Variants in ARHGAP32 observed in about 807,000 individuals in gnomAD.
The protein encoded by ARHGAP32 is rho GTPase-activating protein 32.
In ARHGAP32, 51 loss-of-function variants were observed where a neutral mutation model predicts 186.5. The ratio of observed to expected loss-of-function variants is 0.27; its 90% CI spans 0.22 to 0.35. The LOEUF is 0.35. Ranked by LOEUF, ARHGAP32 falls within the 10% of genes least tolerant of loss-of-function variation. The pLI is 1.00. For missense variants in ARHGAP32, 2,186 were observed against 2,623.5 expected (o/e 0.83, Z 3.64); for synonymous variants, 950 against 964.3 (o/e 0.99, Z 0.27).
At chr11:129,259,476 A>C (rs549956782) in intron 1 of ARHGAP32, among the ~76,000 whole-genome samples, 127 of 152,254 alleles carry the variant, frequency 8.3e-4, no homozygotes, top group African/African-American at 2.9e-3. Context: ...CACACACACA[A>C]AAAAATACTT....
chr11:129,266,399 T>C (rs1945400745), intron 1 of ARHGAP32, among the ~76,000 whole-genome samples: 1 of 152,140 alleles, frequency 6.6e-6, no homozygotes, highest in South Asian at 2.1e-4. Flanking sequence ...ACTGGTAGCA[T>C]AGTAGCACTG....
intron 1 of ARHGAP32, among the ~76,000 whole-genome samples, chr11:129,253,816 G>A (rs1320093507): frequency 6.6e-6 from 1 of 151,976 alleles, no homozygotes; most frequent in Admixed American, 6.6e-5. Context: ...ACTCCATAAA[G>A]GTCTGTTCAA....
At chr11:129,039,875 G>C (rs898704348) in intron 11 of ARHGAP32, among the ~76,000 whole-genome samples, 1 of 152,186 alleles carries the variant, frequency 6.6e-6, no homozygotes, top group East Asian at 1.9e-4. Context: ...AAAAAGAACT[G>C]AGAATCCTGA....
intron 11 of ARHGAP32, among the ~76,000 whole-genome samples, chr11:129,017,536 T>TAA (rs1234346126): frequency 6.6e-6 from 1 of 151,984 alleles, no homozygotes; most frequent in Non-Finnish European, 1.5e-5. Flanking sequence ...GTTAAAATTA[T>TAA]AAAGCACTTA....
Position 129,263,164 on chromosome 11 carries a change from A to G in ARHGAP32, c.-5+15982T>C, listed in dbSNP as rs143982653. 9.2e-5 allele frequency among the ~76,000 whole-genome samples: 14 copies of G among 152,314 alleles called. No individual in the cohort carries two copies. The East Asian group carries it at 2.3e-3, about 25-fold the overall frequency. On this transcript the variant is annotated intron_variant, in intron 1 of 6. Transcript: ENST00000525234. ...GAAGAAAACATAGGAGGGAAATGTC[A>G]TAACACTGGATTTGGCAATAATTTT...
intron 12 of ARHGAP32, among the ~76,000 whole-genome samples, chr11:128,997,871 G>A (rs1029226296): frequency 6.6e-6 from 1 of 152,118 alleles, no homozygotes; most frequent in Non-Finnish European, 1.5e-5. Context: ...TCCAGCGTGG[G>A]CAACAAATCA....
intron 6 of ARHGAP32, among the ~76,000 whole-genome samples, chr11:129,068,964 A>G (rs759386651): frequency 3.9e-5 from 6 of 152,124 alleles, no homozygotes; most frequent in Non-Finnish European, 7.4e-5. Flanking sequence ...TATGTGAAAG[A>G]ACAAGTATGA....
In ARHGAP32 at chr11:129,073,630, G is replaced by A. The variant is rs563543715; in HGVS notation, c.532-6762C>T. On this transcript the variant is annotated intron_variant, in intron 6 of 22. Coordinates refer to ENST00000682385, the MANE Select transcript of ARHGAP32 (RefSeq NM_001378024.1). ...TGATACATACATACTGAAAATACCA[G>A]AAGGAGAAGAAATGGAGAAAGGAGC... Among the ~76,000 whole-genome samples the A allele has an allele frequency of 1.3e-3, 192 of 151,980 alleles. 3 individuals are homozygous for A. The highest frequency in any genetic ancestry group is 4.4e-3 in the African/African-American group (181 of 41,462).
At chr11:129,270,695 G>A (rs895108741) in intron 1 of ARHGAP32, among the ~76,000 whole-genome samples, 3 of 151,620 alleles carry the variant, frequency 2.0e-5, no homozygotes, top group African/African-American at 7.3e-5. Context: ...TGCACCTTTA[G>A]CTCGGTTTTG....
intron 5 of ARHGAP32, among the ~76,000 whole-genome samples, chr11:129,114,361 C>CT (rs1332665577): frequency 1.3e-5 from 2 of 152,152 alleles, no homozygotes; most frequent in African/African-American, 4.8e-5. Context: ...CATAATCTCT[C>CT]TCACCACTGA....
intron 1 of ARHGAP32, among the ~76,000 whole-genome samples, chr11:129,242,060 G>T (rs1462969882): frequency 1.3e-5 from 2 of 152,228 alleles, no homozygotes; most frequent in East Asian, 3.9e-4. Flanking sequence ...TGGGAGTATT[G>T]CTTTTTAAAA....
rs1396050746 is a variant in ARHGAP32, at chr11:128,973,233, C to T, written c.3273G>A (p.Val1091=). ...TGGACAGATTATCTTCAGTTGTAGC[C>T]ACCGCTATGTCTCCATAATTTGTAT... ...AGYTNYGDIA[V]ATTEDNLSSS... is the part of the protein sequence containing the mutation. Residue 1091 remains valine, a synonymous_variant, in exon 22 of 23, where the codon GTG becomes GTA. Transcript: ENST00000682385. 4 of 1,614,036 alleles carry T rather than the reference C, an allele frequency of 2.5e-6. No individual in the cohort carries two copies. Among genetic ancestry groups the T allele is most frequent in the Non-Finnish European group, 3.4e-6 (4 of 1,180,038 alleles).
chr11:129,133,007 G>C (rs564475553), intron 2 of ARHGAP32, among the ~76,000 whole-genome samples: 1 of 152,270 alleles, frequency 6.6e-6, no homozygotes, highest in South Asian at 2.1e-4. Context: ...GGGTTTAGTT[G>C]GTTCACGATT....
In ARHGAP32 at chr11:129,126,096, T is replaced by C. The variant is rs1199107926; in HGVS notation, c.226-1202A>G. The C allele has an allele frequency of 7.6e-6, 2 of 263,232 alleles. 1 individual carries two copies. The highest frequency in any genetic ancestry group is 7.4e-5 in the South Asian group (2 of 26,900). The allele number at this position is 263,232 out of a possible 1,614,324, so 16.3% of individuals were successfully genotyped here. A position where few individuals can be genotyped will look rare whatever the true frequency, so the allele number is the denominator to read the frequency against. On this transcript the variant is annotated intron_variant, in intron 2 of 22. Transcript: ENST00000682385. ...ATCATCATTCAATTATACCCTATCA[T>C]ACTAGAAAAAAATTTTAAGACTAAA...
intron 11 of ARHGAP32, among the ~76,000 whole-genome samples, chr11:129,014,052 G>A (rs1380481522): frequency 1.3e-5 from 2 of 152,086 alleles, no homozygotes; most frequent in Admixed American, 1.3e-4. Flanking sequence ...AAAATAAAAT[G>A]CAAACAATAC....
intron 1 of ARHGAP32, among the ~76,000 whole-genome samples, chr11:129,278,221 T>C (rs1945557616): frequency 6.6e-6 from 1 of 152,246 alleles, no homozygotes; most frequent in Non-Finnish European, 1.5e-5. Context: ...ACAACAATGC[T>C]ATGGCCCAGC....
intron 1 of ARHGAP32, among the ~76,000 whole-genome samples, chr11:129,263,762 C>T (rs2135714437): frequency 6.6e-6 from 1 of 152,170 alleles, no homozygotes; most frequent in South Asian, 2.1e-4. Context: ...TGTGAAGAAA[C>T]TGGAACCTTT....
At chr11:129,218,697 T>C (rs1944675753) in intron 1 of ARHGAP32, among the ~76,000 whole-genome samples, 1 of 152,086 alleles carries the variant, frequency 6.6e-6, no homozygotes, top group African/African-American at 2.4e-5. Context: ...TGAAAGCGTC[T>C]GACGCACTGG....
chr11:128,989,667 C>T (rs1406196180), intron 12 of ARHGAP32, among the ~76,000 whole-genome samples: 1 of 151,978 alleles, frequency 6.6e-6, no homozygotes, highest in Non-Finnish European at 1.5e-5. Context: ...CCCATCAACC[C>T]ATCATCTACA....
Sources: gnomAD v4.1 joint callset for allele counts (sites outside exome capture counted in the v4.1 genomes callset) on GRCh38, gnomAD v4.1.1 for gene constraint, MANE v1.5 for transcripts, NCBI Gene and HGNC (gene_info 2026-07-23, HGNC 2026-07-21) for gene names.